The following TCFL5 variants were observed in gnomAD, a reference collection of about 807,000 sequenced individuals.
TCFL5 encodes the protein transcription factor like 5, also known as transcription factor-like 5 protein.
In TCFL5, 9 loss-of-function variants were observed where a neutral mutation model predicts 44.3. That is an observed-to-expected ratio of 0.20 (90% CI 0.12 to 0.35). The LOEUF is 0.35. TCFL5 is among the 10% of genes least tolerant of loss of function. The pLI, the probability that TCFL5 is intolerant of heterozygous loss-of-function variation, is 1.00. For missense variants in TCFL5, 603 were observed against 613.4 expected (o/e 0.98, Z 0.18); for synonymous variants, 319 against 271.6 (o/e 1.17, Z -1.72).
chr20:62,849,317 C>T (rs899398618), intron 5 of TCFL5, among the ~76,000 whole-genome samples: 10 of 152,146 alleles, frequency 6.6e-5, no homozygotes, highest in Non-Finnish European at 1.3e-4. Flanking sequence ...TTGTACTGTT[C>T]TTGCAATTTT....
chr20:62,859,931 A>G (rs2063964415), intron 2 of TCFL5, among the ~76,000 whole-genome samples, 194 bp downstream of exon 2: 1 of 150,852 alleles, frequency 6.6e-6, no homozygotes, highest in Non-Finnish European at 1.5e-5. Context: ...CTAGTCTTGA[A>G]CTCCTGAACT....
At chr20:62,859,738 T>TG (rs56778139) in intron 2 of TCFL5, among the ~76,000 whole-genome samples, 41 of 151,486 alleles carry the variant, frequency 2.7e-4, no homozygotes, top group Non-Finnish European at 4.7e-4. Context: ...TTTTTTTTTT[T>TG]GAGACAGGCT....
At chr20:62,848,070 G>A (rs560352793) in intron 5 of TCFL5, among the ~76,000 whole-genome samples, 12 of 152,384 alleles carry the variant, frequency 7.9e-5, no homozygotes, top group African/African-American at 2.9e-4. Flanking sequence ...AGAAGTCACA[G>A]CGTGTCCGCA....
rs547445368 is a variant in TCFL5, at chr20:62,857,991, GA to G, written c.995-354del. On this transcript the variant is annotated intron_variant, in intron 3 of 5. Coordinates refer to ENST00000335351, the MANE Select transcript of TCFL5 (RefSeq NM_006602.4). ...TTTACTTTTTCTAAAGGTCAGAATG[GA>G]AAAAAAAAAACAACAACAACAAACC... Among the ~76,000 whole-genome samples the G allele has an allele frequency of 3.3e-3, 444 of 133,768 alleles. 2 individuals carry two copies. The highest frequency in any genetic ancestry group is 0.011 in the Middle Eastern group (3 of 268). The allele number at this position is 133,768 out of a possible 152,430, so 87.8% of individuals were successfully genotyped here. A position where few individuals can be genotyped will look rare whatever the true frequency, so the allele number is the denominator to read the frequency against.
chr20:62,860,738 A>G (rs1326221150), intron 1 of TCFL5, among the ~76,000 whole-genome samples: 1 of 152,040 alleles, frequency 6.6e-6, no homozygotes, highest in Non-Finnish European at 1.5e-5. Context: ...CAAGAGTGCC[A>G]CCCGGAGCAC....
chr20:62,843,129 T>C lies in TCFL5; in HGVS notation c.1381-1032A>G, dbSNP rs139990369. Among the ~76,000 whole-genome samples the C allele has an allele frequency of 7.0e-3, 1,074 of 152,342 alleles. 7 individuals carry two copies. Among genetic ancestry groups the C allele is most frequent in the African/African-American group, 0.024 (1,002 of 41,576 alleles). On this transcript the variant is annotated intron_variant, in intron 5 of 5. Coordinates refer to ENST00000335351, the MANE Select transcript of TCFL5 (RefSeq NM_006602.4). The stretch of plus-strand genomic sequence containing the variant: ...ACGTCTACGGGACAAATCATTCCCT[T>C]TTCAACAAATGAACGGTGAGGAAGA...
chr20:62,852,425 A>G, intron 5 of TCFL5: 4 of 985,448 alleles, frequency 4.1e-6, no homozygotes, highest in Non-Finnish European at 4.8e-6. Flanking sequence ...AGGGCCCAGA[A>G]CCAGCCCTGT....
At chr20:62,845,327 T>C (rs1040737532) in intron 5 of TCFL5, 3 of 987,396 alleles carry the variant, frequency 3.0e-6, no homozygotes, top group Non-Finnish European at 3.8e-6. Context: ...CACACCGTAT[T>C]GGCCAGGCTG....
At chr20:62,849,303 C>T (rs766698559) in intron 5 of TCFL5, among the ~76,000 whole-genome samples, 4 of 152,180 alleles carry the variant, frequency 2.6e-5, no homozygotes, top group Non-Finnish European at 5.9e-5. Context: ...CTACAAAGAG[C>T]TCTTTGTACT....
Position 62,842,133 on chromosome 20 carries a change from A to C in TCFL5, c.1381-36T>G. The C allele has an allele frequency of 6.2e-7, 1 of 1,612,372 alleles. No individual in the cohort carries two copies. Among genetic ancestry groups the C allele is most frequent in the Non-Finnish European group, 8.5e-7 (1 of 1,178,972 alleles). ...GAAGTGACGGTTAACATACTGAATT[A>C]ACTGACATGAAAACTGCTGTCTTCC... On this transcript the variant is annotated intron_variant, in intron 5 of 5. Transcript: ENST00000335351. The surrounding 1 kb of genome is among the most constrained non-coding windows in gnomAD (Gnocchi z 4.3).
chr20:62,860,440 C>T (rs1464982241), intron 1 of TCFL5, 132 bp from the exon 2 acceptor site: 5 of 759,934 alleles, frequency 6.6e-6, no homozygotes, highest in Non-Finnish European at 1.0e-5. Context: ...CTCTACACAA[C>T]AATTAGCAAC....
At chr20:62,858,829 G>A (rs1400252169) in intron 3 of TCFL5, among the ~76,000 whole-genome samples, 1 of 149,188 alleles carries the variant, frequency 6.7e-6, no homozygotes, top group Admixed American at 6.7e-5. Flanking sequence ...GTGTTTCCCA[G>A]GGAGGAAGGG....
intron 5 of TCFL5, chr20:62,845,984 C>T (rs919513806): frequency 7.0e-7 from 1 of 1,420,274 alleles, no homozygotes; most frequent in Non-Finnish European, 9.4e-7. Flanking sequence ...TGCAAAGCTC[C>T]TGGCTTCGTG....
chr20:62,846,134 T>A, intron 5 of TCFL5: 1 of 1,247,618 alleles, frequency 8.0e-7, no homozygotes, highest in Non-Finnish European at 1.1e-6. Flanking sequence ...TTGGAAGCAT[T>A]CTTAATTATC....
In TCFL5 at chr20:62,860,234, A is replaced by G. The variant is rs369138874; in HGVS notation, c.722T>C (p.Leu241Ser). Residue 241 changes from leucine (L) to serine (S), a missense_variant, in exon 2 of 6, where the codon TTA (leucine) becomes TCA (serine). Leu to Ser is a moderately radical substitution (Grantham distance 145, BLOSUM62 -2). Transcript: ENST00000335351. ...TGTAGCCGCAGTTTTATTTTTCACT[A>G]ATGCTGTACATTTGTTTTGTTGCTG... ...PLQQQNKCTA[L>S]VKNKTAATTT... is the part of the protein sequence containing the mutation. The G allele has an allele frequency of 4.1e-5, 66 of 1,613,870 alleles. 1 individual carries two copies. The Middle Eastern group carries it at 8.3e-4, about 20-fold the overall frequency.
chr20:62,847,022 T>C (rs1011016908), intron 5 of TCFL5, among the ~76,000 whole-genome samples: 2 of 151,336 alleles, frequency 1.3e-5, no homozygotes, highest in African/African-American at 4.9e-5. Flanking sequence ...CCATCTCTAA[T>C]AAAAATACAA....
chr20:62,860,025 T>C, intron 2 of TCFL5, 100 bp downstream of exon 2: 1 of 1,211,894 alleles, frequency 8.3e-7, no homozygotes, highest in Non-Finnish European at 1.2e-6. Context: ...GTTATTAAGC[T>C]CACTGAAGGG....
intron 3 of TCFL5, among the ~76,000 whole-genome samples, chr20:62,857,927 T>G (rs1367098041): frequency 6.6e-6 from 1 of 152,006 alleles, no homozygotes; most frequent in Non-Finnish European, 1.5e-5. Flanking sequence ...TCTTTTTAAT[T>G]AACAGGTGTT....
intron 5 of TCFL5, among the ~76,000 whole-genome samples, chr20:62,849,882 G>A (rs1460093245): frequency 6.6e-6 from 1 of 152,152 alleles, no homozygotes; most frequent in Non-Finnish European, 1.5e-5. Context: ...TTGAGCCCAG[G>A]AGGCAGAGGC....
Sources: allele counts gnomAD v4.1 joint callset (sites outside exome capture counted in the v4.1 genomes callset), GRCh38; gene constraint gnomAD v4.1.1; non-coding constraint Gnocchi (gnomAD v3.1); transcripts MANE v1.5; gene names NCBI Gene and HGNC (gene_info 2026-07-23, HGNC 2026-07-21).